SHTN1: variants seen among roughly 807,000 people sequenced by gnomAD.
SHTN1 encodes shootin-1.
Under a neutral mutation model 83.1 loss-of-function variants are expected in SHTN1, and 42 were observed. The observed-to-expected ratio is 0.51, with a 90% CI of 0.39 to 0.65. The LOEUF (loss-of-function observed/expected upper bound fraction) is 0.65. Among genes scored for constraint, SHTN1 ranks in the 30% least tolerant of loss-of-function variants. SHTN1 has a pLI of 0.00. For missense variants in SHTN1, 622 were observed against 737.8 expected, an observed-to-expected ratio of 0.84 and a Z score of 1.82; for synonymous variants, 224 against 247.7, an observed-to-expected ratio of 0.90 and a Z score of 0.90.
At chr10:116,899,308 G>A (rs191542128) in intron 16 of SHTN1, among the ~76,000 whole-genome samples, 1 of 152,304 alleles carries the variant, frequency 6.6e-6, no homozygotes, top group East Asian at 1.9e-4. Flanking sequence ...GGGAAGAGGA[G>A]TTACAATTTT....
intron 1 of SHTN1, among the ~76,000 whole-genome samples, chr10:117,102,877 GC>G (rs1261005713): frequency 6.6e-6 from 1 of 152,076 alleles, no homozygotes; most frequent in Admixed American, 6.6e-5. Flanking sequence ...ATAACTACTG[GC>G]CCGGCATCTT....
intron 1 of SHTN1, among the ~76,000 whole-genome samples, chr10:117,122,149 TTTA>T (rs1489701992): frequency 6.6e-6 from 1 of 151,898 alleles, no homozygotes; most frequent in East Asian, 1.9e-4. Flanking sequence ...TTGTATTTAC[TTTA>T]TTTTTTATTT....
At chr10:117,010,126 GAATT>G (rs1312705164), upstream of SHTN1, among the ~76,000 whole-genome samples, 3 of 151,554 alleles carry the variant, frequency 2.0e-5, no homozygotes, top group African/African-American at 7.3e-5. Flanking sequence ...AAAAATAATA[GAATT>G]AATAAAAAGC....
chr10:117,037,988 A>G (rs1222912724), intron 2 of SHTN1, among the ~76,000 whole-genome samples: 95 of 108,570 alleles, frequency 8.8e-4, no homozygotes, highest in African/African-American at 2.8e-3. Flanking sequence ...CTGGTGACAG[A>G]GCGAGACTTC....
At chr10:116,989,906 CAT>C (rs1013591449) in intron 1 of SHTN1, among the ~76,000 whole-genome samples, 1 of 152,160 alleles carries the variant, frequency 6.6e-6, no homozygotes, top group Non-Finnish European at 1.5e-5. Context: ...TTGAGGAAAA[CAT>C]AATTTCTTCT....
At position 116,886,360 on chromosome 10, in the gene SHTN1, T is replaced by C. The variant is rs1847162705; in HGVS notation, c.1880A>G (p.Asp627Gly). ...EDSIENVRET[D>G]SSNC ...GTTTATGGATCAGCAGTTGGAGCTG[T>C]CTGTCTCTCTCACGTTTTCAATGCT... The change falls in exon 17 of 17, where the codon GAC becomes GGC. Residue 627 changes from aspartate (D) to glycine (G), a missense_variant. By Grantham distance (94) the Asp-to-Gly change is moderately conservative. Transcript: ENST00000355371. 2 of 1,553,924 alleles carry C rather than the reference T, an allele frequency of 1.3e-6. No homozygotes were observed. The highest frequency in any genetic ancestry group is 1.4e-5 in the African/African-American group (1 of 73,172).
chr10:116,972,319 C>T (rs1850645776), intron 2 of SHTN1, among the ~76,000 whole-genome samples: 1 of 152,132 alleles, frequency 6.6e-6, no homozygotes, highest in South Asian at 2.1e-4. Flanking sequence ...CTGGCAGCCA[C>T]AGAATTTACC....
At chr10:117,044,883 T>C (rs1452628160) in intron 2 of SHTN1, among the ~76,000 whole-genome samples, 1 of 152,288 alleles carries the variant, frequency 6.6e-6, no homozygotes, top group East Asian at 1.9e-4. Context: ...AAAGAAAGGA[T>C]GTTTCTGAGC....
intron 11 of SHTN1, among the ~76,000 whole-genome samples, chr10:116,923,892 T>C (rs933428338): frequency 2.0e-5 from 3 of 152,172 alleles, no homozygotes; most frequent in Non-Finnish European, 4.4e-5. Context: ...TTTTTTTACT[T>C]TTCACTTCTA....
intron 16 of SHTN1, among the ~76,000 whole-genome samples, chr10:116,899,647 T>G (rs764407551): frequency 1.3e-5 from 2 of 152,120 alleles, no homozygotes; most frequent in Non-Finnish European, 2.9e-5. Context: ...CAAGAGCCAA[T>G]AGCGCCACTC....
intron 2 of SHTN1, among the ~76,000 whole-genome samples, chr10:117,047,022 AAAAAC>A (rs1440928926): frequency 6.6e-6 from 1 of 152,158 alleles, no homozygotes; most frequent in African/African-American, 2.4e-5. Context: ...GAAAAAATGA[AAAAAC>A]AAAAGAGTGA....
chr10:116,926,713 T>TTA (rs1008503172), intron 11 of SHTN1, among the ~76,000 whole-genome samples: 42 of 136,576 alleles, frequency 3.1e-4, no homozygotes, highest in African/African-American at 1.1e-3. Flanking sequence ...ATGAAAGGTT[T>TTA]AAAAAAAAAA....
chr10:117,102,043 C>T (rs1450046378), intron 1 of SHTN1, among the ~76,000 whole-genome samples: 2 of 149,842 alleles, frequency 1.3e-5, no homozygotes, highest in Non-Finnish European at 3.0e-5. Flanking sequence ...GAAGTAAAGC[C>T]ATCAAAAAGA....
At chr10:116,887,586 G>C (rs1334557142) in intron 16 of SHTN1, among the ~76,000 whole-genome samples, 1 of 152,146 alleles carries the variant, frequency 6.6e-6, no homozygotes, top group Non-Finnish European at 1.5e-5. Flanking sequence ...ACCAGGAGTT[G>C]GTTTCTACTA....
intron 1 of SHTN1, among the ~76,000 whole-genome samples, chr10:117,116,348 T>C (rs1001019833): frequency 6.6e-6 from 1 of 152,046 alleles, no homozygotes; most frequent in Admixed American, 6.6e-5. Flanking sequence ...ACATGCAACC[T>C]ACCAAGACTG....
At chr10:116,911,706 C>G (rs1479138436) in intron 14 of SHTN1, 84 bp downstream of exon 14, 4 of 1,577,708 alleles carry the variant, frequency 2.5e-6, no homozygotes, top group Non-Finnish European at 3.5e-6. Context: ...AAACACACCA[C>G]AAACAATTCA....
At chr10:117,118,607 T>G (rs956810859) in intron 1 of SHTN1, among the ~76,000 whole-genome samples, 3 of 152,224 alleles carry the variant, frequency 2.0e-5, no homozygotes, top group African/African-American at 7.2e-5. Flanking sequence ...TCCCATGTTT[T>G]ATTGCAGCAC....
At chr10:117,103,664 A>G (rs1002433071) in intron 1 of SHTN1, among the ~76,000 whole-genome samples, 6 of 149,784 alleles carry the variant, frequency 4.0e-5, no homozygotes, top group Admixed American at 3.3e-4. Flanking sequence ...CAGCCTCCCG[A>G]GAGCTGGGGC....
intron 1 of SHTN1, among the ~76,000 whole-genome samples, chr10:117,107,498 A>G (rs1392567857): frequency 1.3e-5 from 2 of 152,172 alleles, no homozygotes; most frequent in African/African-American, 2.4e-5. Context: ...AACAAGAGCA[A>G]TCCTGCCAGC....
Sources: allele counts gnomAD v4.1 joint callset (sites outside exome capture counted in the v4.1 genomes callset), GRCh38; gene constraint gnomAD v4.1.1; transcripts MANE v1.5; gene names NCBI Gene and HGNC (gene_info 2026-07-23, HGNC 2026-07-21).